Variants in LRRTM4 observed in about 807,000 individuals in gnomAD.
LRRTM4 encodes the protein leucine-rich repeat transmembrane neuronal protein 4.
LRRTM4 carries 25 observed loss-of-function variants against 47.6 expected under a neutral mutation model. The ratio of observed to expected loss-of-function variants is 0.53; its 90% CI spans 0.38 to 0.73. The LOEUF (loss-of-function observed/expected upper bound fraction) is 0.73, where lower values mean the gene tolerates loss of function less well. Among genes scored for constraint, LRRTM4 ranks in the 30% least tolerant of loss-of-function variants. The pLI is 0.00. For missense variants in LRRTM4, 638 were observed against 713.4 expected, an observed-to-expected ratio of 0.89 and a Z score of 1.20; for synonymous variants, 311 against 269.5, an observed-to-expected ratio of 1.15 and a Z score of -1.51.
chr2:76,885,622 C>G (rs1004502779), intron 3 of LRRTM4, among the ~76,000 whole-genome samples: 1 of 152,024 alleles, frequency 6.6e-6, no homozygotes, highest in Non-Finnish European at 1.5e-5. Context: ...ACCGCCACCA[C>G]GTCCGGCTAA....
intron 3 of LRRTM4, among the ~76,000 whole-genome samples, chr2:77,485,388 G>A (rs746253826): frequency 2.6e-5 from 4 of 151,944 alleles, no homozygotes; most frequent in Non-Finnish European, 5.9e-5. Flanking sequence ...AGACAAAATA[G>A]GACACAAAAT....
chr2:77,519,038 G>C lies in LRRTM4; in HGVS notation c.831C>G (p.Pro277=), dbSNP rs1263282027. The change falls in exon 3 of 4, where the codon CCC becomes CCG. Residue 277 remains proline (P), a synonymous_variant. Coordinates refer to ENST00000409884, the MANE Select transcript of LRRTM4 (RefSeq NM_001134745.3). This position sits in a 1 kb window ranked among gnomAD's most constrained non-coding sequence, Gnocchi z 4.6. ...AATCCAAATTCAATTTTTGTAAATT[G>C]GGGAGGCATTTAAATGTGCCCGGCT... ...GIEPGTFKCL[P]NLQKLNLDSN... The C allele has an allele frequency of 6.2e-7, 1 of 1,611,968 alleles. No homozygotes were observed. The highest frequency in any genetic ancestry group is 1.7e-5 in the Admixed American group (1 of 59,702).
chr2:77,049,673 ATTT>A (rs1404601936), intron 3 of LRRTM4, among the ~76,000 whole-genome samples: 18 of 147,850 alleles, frequency 1.2e-4, no homozygotes, highest in African/African-American at 4.8e-4. Flanking sequence ...TGAGTTTCTT[ATTT>A]ATTATTAATA....
intron 3 of LRRTM4, among the ~76,000 whole-genome samples, chr2:77,003,410 G>A (rs1266045781): frequency 2.0e-5 from 3 of 152,198 alleles, no homozygotes; most frequent in East Asian, 1.9e-4. Flanking sequence ...CGTGTTGTAG[G>A]AGGGACCTGG....
chr2:77,446,820 C>A (rs192794279), intron 3 of LRRTM4, among the ~76,000 whole-genome samples: 1 of 152,066 alleles, frequency 6.6e-6, no homozygotes, highest in Non-Finnish European at 1.5e-5. Context: ...TCTGCCATTA[C>A]CCTCTACTAG....
At chr2:76,976,703 G>T (rs968528469) in intron 3 of LRRTM4, among the ~76,000 whole-genome samples, 1 of 151,774 alleles carries the variant, frequency 6.6e-6, no homozygotes, top group African/African-American at 2.4e-5. Flanking sequence ...TGGGATATCC[G>T]TGGAAAAAGG....
chr2:77,340,881 T>C (rs916959738), intron 3 of LRRTM4, among the ~76,000 whole-genome samples: 1 of 151,892 alleles, frequency 6.6e-6, no homozygotes, highest in African/African-American at 2.4e-5. Context: ...TTGGTGAGAG[T>C]ATAGACAGAA....
At chr2:77,070,457 A>C (rs1273065881) in intron 3 of LRRTM4, among the ~76,000 whole-genome samples, 1 of 152,028 alleles carries the variant, frequency 6.6e-6, no homozygotes. Flanking sequence ...CTACATCCTA[A>C]AAATGTTCAA....
intron 3 of LRRTM4, among the ~76,000 whole-genome samples, chr2:76,803,856 C>A (rs34271522): frequency 6.6e-6 from 1 of 152,098 alleles, no homozygotes; most frequent in Non-Finnish European, 1.5e-5. Context: ...TGCCAAAAAC[C>A]TGATTTTCCT....
intron 3 of LRRTM4, among the ~76,000 whole-genome samples, chr2:77,384,069 A>G (rs986044426): frequency 2.0e-5 from 3 of 152,130 alleles, no homozygotes; most frequent in Admixed American, 2.0e-4. Context: ...GTTAAAAATG[A>G]GTTTTATAAC....
intron 3 of LRRTM4, among the ~76,000 whole-genome samples, chr2:77,511,425 C>T (rs140131402): frequency 1.5e-4 from 23 of 151,834 alleles, no homozygotes; most frequent in African/African-American, 3.4e-4. Flanking sequence ...ATTTATATTT[C>T]GTATCATTTA....
intron 3 of LRRTM4, among the ~76,000 whole-genome samples, chr2:77,283,760 G>C (rs1199782134): frequency 1.3e-5 from 2 of 151,988 alleles, no homozygotes; most frequent in Non-Finnish European, 2.9e-5. Flanking sequence ...TTATAAATGG[G>C]AACCTAAACA....
intron 3 of LRRTM4, among the ~76,000 whole-genome samples, chr2:76,831,417 C>G (rs1365794668): frequency 1.3e-5 from 2 of 152,104 alleles, no homozygotes; most frequent in Non-Finnish European, 2.9e-5. Context: ...TTCTACACCA[C>G]CTGGTATTGC....
intron 3 of LRRTM4, among the ~76,000 whole-genome samples, chr2:77,134,437 T>C (rs1671879975): frequency 6.6e-6 from 1 of 152,194 alleles, no homozygotes. Flanking sequence ...ATTAACTTTA[T>C]ATTAGCAACA....
intron 3 of LRRTM4, among the ~76,000 whole-genome samples, chr2:77,165,183 A>G (rs1050132160): frequency 6.6e-6 from 1 of 152,210 alleles, no homozygotes; most frequent in Admixed American, 6.5e-5. Context: ...TACTATAAAC[A>G]TCTCTATGCA....
chr2:77,454,513 A>T (rs142592609), intron 3 of LRRTM4, among the ~76,000 whole-genome samples: 7 of 152,276 alleles, frequency 4.6e-5, no homozygotes, highest in African/African-American at 1.7e-4. Context: ...AAACGACCAT[A>T]ACATAGAAAC....
intron 3 of LRRTM4, among the ~76,000 whole-genome samples, chr2:77,128,116 C>A (rs1671697732): frequency 6.7e-6 from 1 of 148,492 alleles, no homozygotes; most frequent in African/African-American, 2.5e-5. Context: ...GCACTCCAGT[C>A]TGGGTGACAG....
chr2:77,316,005 T>A (rs1677607202), intron 3 of LRRTM4, among the ~76,000 whole-genome samples: 1 of 152,158 alleles, frequency 6.6e-6, no homozygotes, highest in East Asian at 1.9e-4. Flanking sequence ...TCTCCAGACT[T>A]TTTTCTCACT....
At chr2:76,825,429 G>A (rs1404568373) in intron 3 of LRRTM4, among the ~76,000 whole-genome samples, 8 of 151,754 alleles carry the variant, frequency 5.3e-5, no homozygotes, top group African/African-American at 1.9e-4. Context: ...TGGATGTAAT[G>A]GAGAAAGAAA....
Sources: allele counts gnomAD v4.1 joint callset (sites outside exome capture counted in the v4.1 genomes callset), GRCh38; gene constraint gnomAD v4.1.1; non-coding constraint Gnocchi (gnomAD v3.1); transcripts MANE v1.5; gene names NCBI Gene and HGNC (gene_info 2026-07-23, HGNC 2026-07-21).